The following MSH3 variants were observed in gnomAD, a reference collection of about 807,000 sequenced individuals.
MSH3 encodes the protein mutS homolog 3, also known as DNA mismatch repair protein Msh3.
Under a neutral mutation model 123.3 loss-of-function variants are expected in MSH3, and 106 were observed. The observed-to-expected ratio is 0.86, with a 90% CI of 0.73 to 1.01. MSH3 has a LOEUF of 1.01. MSH3 is among the 50% of genes least tolerant of loss of function. MSH3 has a pLI of 0.00. For missense variants in MSH3, 1,459 were observed against 1,347.6 expected (o/e 1.08, Z -1.29); for synonymous variants, 515 against 481.4 (o/e 1.07, Z -0.91).
At chr5:80,792,403 C>T (rs1744622967) in intron 18 of MSH3, among the ~76,000 whole-genome samples, 1 of 149,998 alleles carries the variant, frequency 6.7e-6, no homozygotes, top group African/African-American at 2.5e-5. Context: ...ACACTGAGAC[C>T]CTATCTCTTA....
chr5:80,810,172 C>T (rs76165335), intron 19 of MSH3, among the ~76,000 whole-genome samples: 30 of 121,556 alleles, frequency 2.5e-4, no homozygotes, highest in African/African-American at 4.5e-4. Flanking sequence ...GTTTGACATA[C>T]ATATATATAT....
rs36231463 is a variant in MSH3 at position 80,655,140 on chromosome 5, T to C, written c.237+176T>C. 12 of 509,376 alleles carry C rather than the reference T, an allele frequency of 2.4e-5. 1 individual carries two copies. Among genetic ancestry groups the C allele is most frequent in the Non-Finnish European group, 3.4e-5 (10 of 293,118 alleles). 31.6% of individuals were successfully genotyped at this position (509,376 alleles called of 1,614,324 possible). A position where few individuals can be genotyped will look rare whatever the true frequency, so the allele number is the denominator to read the frequency against. On this transcript the variant is annotated intron_variant, in intron 1 of 23. Coordinates refer to ENST00000265081, the MANE Select transcript of MSH3 (RefSeq NM_002439.5). Reference sequence around the variant, plus strand: ...CGGGGCTACAAATTGGGTGAAGCGCTGAGGTTTTAGTACTTCCGTTTGAGG... The same window carrying C: ...CGGGGCTACAAATTGGGTGAAGCGCCGAGGTTTTAGTACTTCCGTTTGAGG...
chr5:80,846,704 C>T (rs1378240990), intron 20 of MSH3, among the ~76,000 whole-genome samples: 11 of 152,218 alleles, frequency 7.2e-5, no homozygotes, highest in Admixed American at 2.0e-4. Flanking sequence ...GCTCCGTGGG[C>T]GTGAGACCTG....
intron 8 of MSH3, among the ~76,000 whole-genome samples, chr5:80,696,197 G>C (rs897975317): frequency 6.6e-6 from 1 of 152,192 alleles, no homozygotes; most frequent in Non-Finnish European, 1.5e-5. Context: ...TCCAGTCTCT[G>C]TCTGGTGTTT....
chr5:80,853,317 CAA>C (rs1244775723), intron 20 of MSH3, among the ~76,000 whole-genome samples: 1 of 152,070 alleles, frequency 6.6e-6, no homozygotes, highest in East Asian at 1.9e-4. Flanking sequence ...ACTAAAAATA[CAA>C]AAAATGTTAG....
intron 1 of MSH3, chr5:80,655,506 GA>G (rs527455644): frequency 1.8e-4 from 36 of 200,056 alleles, no homozygotes; most frequent in African/African-American, 8.0e-4. Context: ...AGTTTGGGTG[GA>G]TAAAGTTTCT....
chr5:80,686,041 G>A (rs903368223), intron 8 of MSH3, among the ~76,000 whole-genome samples: 1 of 152,120 alleles, frequency 6.6e-6, no homozygotes, highest in Non-Finnish European at 1.5e-5. Flanking sequence ...TTTTTTGAAT[G>A]TTTTAAGACT....
chr5:80,824,491 T>G (rs1214732561), intron 20 of MSH3, among the ~76,000 whole-genome samples: 2 of 152,226 alleles, frequency 1.3e-5, no homozygotes, highest in Admixed American at 1.3e-4. Flanking sequence ...GGGCATGGTC[T>G]GGAAGTCACA....
chr5:80,849,705 C>T (rs944469559), intron 20 of MSH3, among the ~76,000 whole-genome samples: 1 of 152,100 alleles, frequency 6.6e-6, no homozygotes, highest in Non-Finnish European at 1.5e-5. Context: ...CAGCGGGGGT[C>T]TACAGGCCTG....
At chr5:80,697,076 G>T (rs528899772) in intron 8 of MSH3, among the ~76,000 whole-genome samples, 1 of 152,116 alleles carries the variant, frequency 6.6e-6, no homozygotes, top group East Asian at 1.9e-4. Flanking sequence ...GGAAAATTTT[G>T]CCAGCTCTCC....
At chr5:80,853,669 A>T (rs1326245101) in intron 20 of MSH3, among the ~76,000 whole-genome samples, 1 of 152,224 alleles carries the variant, frequency 6.6e-6, no homozygotes, top group Non-Finnish European at 1.5e-5. Flanking sequence ...AAAGTTGTAT[A>T]TAAATAACTT....
intron 8 of MSH3, among the ~76,000 whole-genome samples, chr5:80,698,238 C>A (rs1293054169): frequency 6.6e-6 from 1 of 152,194 alleles, no homozygotes; most frequent in Non-Finnish European, 1.5e-5. Flanking sequence ...CCAGTAGATT[C>A]TCAAGTTGTT....
At chr5:80,853,954 G>A (rs951008171) in intron 20 of MSH3, among the ~76,000 whole-genome samples, 176 bp from the exon 21 acceptor site, 4 of 152,196 alleles carry the variant, frequency 2.6e-5, no homozygotes, top group African/African-American at 9.6e-5. Context: ...ACAGTATGAT[G>A]TTAGACACTC....
At chr5:80,694,004 G>T (rs1344835236) in intron 8 of MSH3, among the ~76,000 whole-genome samples, 1 of 152,132 alleles carries the variant, frequency 6.6e-6, no homozygotes, top group South Asian at 2.1e-4. Flanking sequence ...TATGGAATTG[G>T]CATATGGAGA....
At chr5:80,783,424 C>G (rs1479566542) in intron 17 of MSH3, among the ~76,000 whole-genome samples, 1 of 152,054 alleles carries the variant, frequency 6.6e-6, no homozygotes, top group Non-Finnish European at 1.5e-5. Context: ...ACCAAGATGT[C>G]AAACAAGCCT....
Position 80,778,858 on chromosome 5 carries a change from A to C in MSH3, c.2435+22A>C, listed in dbSNP as rs541243900. ...TAGAGTGAGTTTACAATGAAAAAAT[A>C]TAATCTGACTTTTTGCTATCAGAAA... On this transcript the variant is annotated intron_variant, in intron 17 of 23. Coordinates refer to ENST00000265081, the MANE Select transcript of MSH3 (RefSeq NM_002439.5). The C allele has an allele frequency of 7.6e-6, 10 of 1,316,354 alleles. No individual in the cohort carries two copies. In the Admixed American group the frequency reaches 1.0e-4, roughly 13 times the overall value. The allele number at this position is 1,316,354 out of a possible 1,614,324, so 81.5% of individuals were successfully genotyped here. A position where few individuals can be genotyped will look rare whatever the true frequency, so the allele number is the denominator to read the frequency against.
At chr5:80,682,065 T>C (rs1336539477) in intron 8 of MSH3, among the ~76,000 whole-genome samples, 3 of 152,264 alleles carry the variant, frequency 2.0e-5, no homozygotes, top group Non-Finnish European at 4.4e-5. Context: ...ATTTTCACTT[T>C]ATTTGCATAT....
chr5:80,661,551 T>TA (rs914233443), intron 2 of MSH3, among the ~76,000 whole-genome samples: 2 of 147,092 alleles, frequency 1.4e-5, no homozygotes, highest in African/African-American at 2.5e-5. Context: ...TCAGTAAAGC[T>TA]AAAAAAAATT....
intron 17 of MSH3, among the ~76,000 whole-genome samples, chr5:80,784,031 G>A (rs970149115): frequency 6.6e-5 from 10 of 151,650 alleles, no homozygotes; most frequent in Admixed American, 4.6e-4. Flanking sequence ...CCAACATGGG[G>A]AAACCCCGTC....
Sources: allele counts gnomAD v4.1 joint callset (sites outside exome capture counted in the v4.1 genomes callset), GRCh38; gene constraint gnomAD v4.1.1; transcripts MANE v1.5; gene names NCBI Gene and HGNC (gene_info 2026-07-23, HGNC 2026-07-21).